The following RIPK4 variants were observed in gnomAD, a reference collection of about 807,000 sequenced individuals.
The protein encoded by RIPK4 is receptor interacting serine/threonine kinase 4, also known as receptor-interacting serine/threonine-protein kinase 4.
In RIPK4, 17 loss-of-function variants were observed where a neutral mutation model predicts 42.9. The observed-to-expected ratio is 0.40, with a 90% CI of 0.27 to 0.59. RIPK4 has a LOEUF of 0.59. RIPK4 is among the 20% of genes least tolerant of loss of function. RIPK4 has a pLI of 0.47. For missense variants in RIPK4, 897 were observed against 1,104.4 expected, an observed-to-expected ratio of 0.81 and a Z score of 2.66; for synonymous variants, 498 against 499.1, an observed-to-expected ratio of 1.00 and a Z score of 0.03.
At chr21:41,765,975 C>T (rs1230929751) in intron 1 of RIPK4, among the ~76,000 whole-genome samples, 1 of 152,234 alleles carries the variant, frequency 6.6e-6, no homozygotes, top group African/African-American at 2.4e-5. Flanking sequence ...GGCGGCTCTG[C>T]GTCCTTCCCA....
chr21:41,748,167 C>T (rs1157960665), intron 4 of RIPK4, among the ~76,000 whole-genome samples: 1 of 152,228 alleles, frequency 6.6e-6, no homozygotes. Flanking sequence ...TGGCAGGACG[C>T]GTTCTGTGCT....
At chr21:41,757,877 T>C (rs1006009024) in intron 1 of RIPK4, among the ~76,000 whole-genome samples, 1 of 149,678 alleles carries the variant, frequency 6.7e-6, no homozygotes, top group African/African-American at 2.5e-5. Flanking sequence ...CGCCTGCCTG[T>C]AATCCCAGCT....
At chr21:41,763,877 C>T (rs1267409499) in intron 1 of RIPK4, among the ~76,000 whole-genome samples, 2 of 152,178 alleles carry the variant, frequency 1.3e-5, no homozygotes. Context: ...TAGCTGGGGG[C>T]TGGTAGGGGA....
chr21:41,741,518 G>A lies in RIPK4; in HGVS notation c.1675C>T (p.Arg559Ter), dbSNP rs776680270. The change falls in exon 8 of 8, where the codon CGA (arginine) becomes TGA (stop). Residue 559 changes from arginine to a stop codon, truncating the protein, a stop_gained. Coordinates refer to ENST00000332512, the MANE Select transcript of RIPK4 (RefSeq NM_020639.3). LOFTEE classifies it low-confidence loss of function (END_TRUNC). ...CCCTGCAGGCTCACGTCCACGCCTC[G>A]GCGCAGCAGGATGCGCACGATATTC... ...QENIVRILLR[R>*]GVDVSLQGKD... The A allele has an allele frequency of 3.7e-6, 6 of 1,612,454 alleles. No individual in the cohort carries two copies. The highest frequency in any genetic ancestry group is 2.2e-5 in the East Asian group (1 of 44,874).
intron 1 of RIPK4, among the ~76,000 whole-genome samples, chr21:41,759,247 CCA>C (rs748302022): frequency 6.6e-6 from 1 of 151,940 alleles, no homozygotes; most frequent in Non-Finnish European, 1.5e-5. Flanking sequence ...TACAGGTGTG[CCA>C]CACTCAGCTA....
chr21:41,758,658 T>A (rs1227145347), intron 1 of RIPK4, among the ~76,000 whole-genome samples: 3 of 152,256 alleles, frequency 2.0e-5, no homozygotes, highest in African/African-American at 7.2e-5. Context: ...ACCTTGTTTG[T>A]ATAAATAAAC....
chr21:41,758,055 G>T (rs1466687812), intron 1 of RIPK4, among the ~76,000 whole-genome samples: 108 of 128,050 alleles, frequency 8.4e-4, no homozygotes, highest in Middle Eastern at 4.6e-3. Flanking sequence ...GAGAGAGAGA[G>T]AGAGAGAGAG....
chr21:41,752,263 C>G, intron 2 of RIPK4, among the ~76,000 whole-genome samples: 1 of 152,194 alleles, frequency 6.6e-6, no homozygotes, highest in Non-Finnish European at 1.5e-5. Flanking sequence ...GAGCTCCTCT[C>G]AAACACACCC....
At chr21:41,764,433 AC>A (rs1474784149) in intron 1 of RIPK4, among the ~76,000 whole-genome samples, 1 of 152,094 alleles carries the variant, frequency 6.6e-6, no homozygotes, top group Non-Finnish European at 1.5e-5. Context: ...AGAGGCCCAG[AC>A]CCGTGTGTCA....
Position 41,742,129 on chromosome 21 carries a change from GTGTT to G in RIPK4, c.1196-136_1196-133del. ...CAGGCTGCTCGCTGGTCACCCGACT[GTGTT>G]TGAGCGTTGTCTGTGCCTCGTGATT... On this transcript the variant is annotated intron_variant, in intron 7 of 7. Coordinates refer to ENST00000332512, the MANE Select transcript of RIPK4 (RefSeq NM_020639.3). The surrounding 1 kb of genome is among the most constrained non-coding windows in gnomAD (Gnocchi z 5.1). 2 of 795,776 alleles carry G rather than the reference GTGTT, an allele frequency of 2.5e-6. No homozygotes were observed. The highest frequency in any genetic ancestry group is 4.0e-6 in the Non-Finnish European group (2 of 495,262). The allele number at this position is 795,776 out of a possible 1,614,324, so 49.3% of individuals were successfully genotyped here.
chr21:41,766,878 C>A lies in RIPK4; in HGVS notation c.164G>T (p.Ser55Ile). 6.2e-7 allele frequency: 1 copy of A among 1,610,072 alleles called. No homozygotes were observed. Among genetic ancestry groups the A allele is most frequent in the East Asian group, 2.2e-5 (1 of 44,560 alleles). Reference protein sequence around the residue: ...KTWLAIKCSPSLHVDDRERME... With the variant: ...KTWLAIKCSPILHVDDRERME... ...CGCTCACCTGTCGTCGACGTGCAGG[C>A]TGGGCGAGCACTTGATGGCCAGCCA... The change falls in exon 1 of 8, where the codon AGC becomes ATC. Residue 55 changes from serine (S) to isoleucine (I), a missense_variant. By Grantham distance (142) the Ser-to-Ile change is moderately radical. Coordinates refer to ENST00000332512, the MANE Select transcript of RIPK4 (RefSeq NM_020639.3).
chr21:41,741,184 C>T lies in RIPK4; in HGVS notation c.2009G>A (p.Gly670Asp), dbSNP rs1336835393. 6.2e-7 allele frequency: 1 copy of T among 1,611,630 alleles called. No homozygotes were observed. The change falls in exon 8 of 8, where the codon GGC becomes GAC. Residue 670 changes from glycine (G) to aspartate (D), a missense_variant. Gly to Asp is a moderately conservative substitution (Grantham distance 94). Coordinates refer to ENST00000332512, the MANE Select transcript of RIPK4 (RefSeq NM_020639.3). ...GAGKEAMTSD[G>D]YTALHLAARN... ...GGCAGCCAGGTGCAGAGCGGTGTAG[C>T]CGTCTGAGGTCATGGCCTCCTTGCC... is the stretch of plus-strand genomic sequence containing the variant.
intron 1 of RIPK4, 46 bp from the exon 2 acceptor site, chr21:41,756,862 C>T (rs908549768): frequency 1.9e-6 from 3 of 1,582,284 alleles, no homozygotes; most frequent in Non-Finnish European, 2.6e-6. Context: ...GTCACTCAGC[C>T]ACAAACATGG....
intron 6 of RIPK4, among the ~76,000 whole-genome samples, chr21:41,744,812 G>C (rs898537804): frequency 1.3e-5 from 2 of 152,238 alleles, no homozygotes; most frequent in Non-Finnish European, 2.9e-5. Flanking sequence ...GAAAGGGGAA[G>C]GACCCGGCTA....
chr21:41,766,416 C>A (rs1449892799), intron 1 of RIPK4, among the ~76,000 whole-genome samples: 1 of 152,256 alleles, frequency 6.6e-6, no homozygotes, highest in Non-Finnish European at 1.5e-5. Context: ...TTTTTCTAAG[C>A]CCTGCGCAGA....
rs1412554157 is a variant in RIPK4 at position 41,741,503 on chromosome 21, T to C, written c.1690A>G (p.Ser564Gly). ...AGCCAGGCATCCTTGCCCTGCAGGCTCACGTCCACGCCTCGGCGCAGCAGG... is the reference window on the plus strand; with the variant it reads ...AGCCAGGCATCCTTGCCCTGCAGGCCCACGTCCACGCCTCGGCGCAGCAGG... ...RILLRRGVDV[S>G]LQGKDAWLPL... The change falls in exon 8 of 8, where the codon AGC becomes GGC. Residue 564 changes from serine (S) to glycine (G), a missense_variant. Ser to Gly is a moderately conservative substitution (Grantham distance 56, BLOSUM62 0). Transcript: ENST00000332512. 1 of 1,612,572 alleles carries C rather than the reference T, an allele frequency of 6.2e-7. No individual in the cohort carries two copies. The highest frequency in any genetic ancestry group is 1.1e-5 in the South Asian group (1 of 91,070).
In RIPK4 at chr21:41,755,919, C is replaced by T. The variant is rs1399667428; in HGVS notation, c.474+606G>A. Among the ~76,000 whole-genome samples the T allele has an allele frequency of 6.6e-6, 1 of 152,252 alleles. No homozygotes were observed. Among genetic ancestry groups the T allele is most frequent in the Non-Finnish European group, 1.5e-5 (1 of 68,044 alleles). ...GTTTTCAGTTACATTATCTCTCTTA[C>T]TTTTCTGTGTTTCAAAAACCTATCA... On this transcript the variant is annotated intron_variant, in intron 2 of 7. Coordinates refer to ENST00000332512, the MANE Select transcript of RIPK4 (RefSeq NM_020639.3). This position sits in a 1 kb window ranked among gnomAD's most constrained non-coding sequence, Gnocchi z 4.2.
chr21:41,742,754 C>A lies in RIPK4; in HGVS notation c.1196-757G>T, dbSNP rs1371707334. On this transcript the variant is annotated intron_variant, in intron 7 of 7. Transcript: ENST00000332512. The surrounding 1 kb of genome is among the most constrained non-coding windows in gnomAD (Gnocchi z 5.1). ...CAGGCTTGGTGTCTGAACACTGGCA[C>A]TCCAAGTGGAGCCAGTGAAGTAATT... Among the ~76,000 whole-genome samples, 1 of 152,182 alleles carries A rather than the reference C, an allele frequency of 6.6e-6. No homozygotes were observed. The highest frequency in any genetic ancestry group is 2.4e-5 in the African/African-American group (1 of 41,448).
chr21:41,762,637 G>A (rs770313264), intron 1 of RIPK4, among the ~76,000 whole-genome samples: 3 of 152,202 alleles, frequency 2.0e-5, no homozygotes, highest in South Asian at 2.1e-4. Flanking sequence ...TCAGGTACTC[G>A]AAGCACAGAA....
Sources: allele counts gnomAD v4.1 joint callset (sites outside exome capture counted in the v4.1 genomes callset), GRCh38; gene constraint gnomAD v4.1.1; non-coding constraint Gnocchi (gnomAD v3.1); transcripts MANE v1.5; gene names NCBI Gene and HGNC (gene_info 2026-07-23, HGNC 2026-07-21).